The following ABR variants were observed in gnomAD, a reference collection of about 807,000 sequenced individuals.
ABR encodes active breakpoint cluster region-related protein.
In ABR, 35 loss-of-function variants were observed where a neutral mutation model predicts 107.2. That is an observed-to-expected ratio of 0.33 (90% CI 0.25 to 0.43). ABR has a LOEUF of 0.43. Among genes scored for constraint, ABR ranks in the 20% least tolerant of loss-of-function variants. The probability of loss-of-function intolerance (pLI) is 1.00; values close to 1 mark genes in which losing one functional copy is unlikely to be tolerated. For missense variants in ABR, 815 were observed against 1,115.2 expected (o/e 0.73, Z 3.83); for synonymous variants, 498 against 462.0 (o/e 1.08, Z -1.00).
At position 1,179,711 on chromosome 17, in the gene ABR, T is replaced by C. The variant is rs1293170978; in HGVS notation, c.17A>G (p.His6Arg). Residue 6 changes from histidine to arginine, a missense_variant, in exon 1 of 23, where the codon CAC (histidine) becomes CGC (arginine). Physicochemically the swap from His to Arg is conservative, Grantham distance 29. Coordinates refer to ENST00000302538, the MANE Select transcript of ABR (RefSeq NM_021962.5). This position sits in a 1 kb window ranked among gnomAD's most constrained non-coding sequence, Gnocchi z 4.9. MEPLS[H>R]RGLPRLSWID... ...CCAGGACAGGCGCGGCAGGCCCCGGTGGCTGAGCGGCTCCATCCCGCGGCG... is the reference window on the plus strand; with the variant it reads ...CCAGGACAGGCGCGGCAGGCCCCGGCGGCTGAGCGGCTCCATCCCGCGGCG... 1 of 1,498,492 alleles carries C rather than the reference T, an allele frequency of 6.7e-7. No individual in the cohort carries two copies. The highest frequency in any genetic ancestry group is 9.0e-7 in the Non-Finnish European group (1 of 1,113,310). 92.8% of individuals were successfully genotyped at this position (1,498,492 alleles called of 1,614,324 possible). A position where few individuals can be genotyped will look rare whatever the true frequency, so the allele number is the denominator to read the frequency against.
intron 16 of ABR, 166 bp from the exon 17 acceptor site, chr17:1,013,330 T>C: frequency 1.4e-6 from 1 of 710,296 alleles, no homozygotes; most frequent in African/African-American, 1.8e-5. Flanking sequence ...GGGGGGACCC[T>C]AGCCCCCAGG....
In ABR at chr17:1,078,635, C is replaced by T. The variant is rs1175120561; in HGVS notation, c.700+695G>A. ...TTGCAAGCGGCCCTGCTCTGAGCAG[C>T]CCCCAGGTTTCAACTCTAGGCTGGA... On this transcript the variant is annotated intron_variant, in intron 6 of 22. Coordinates refer to ENST00000302538, the MANE Select transcript of ABR (RefSeq NM_021962.5). The surrounding 1 kb of genome is among the most constrained non-coding windows in gnomAD (Gnocchi z 7.5). 2.0e-5 allele frequency among the ~76,000 whole-genome samples: 3 copies of T among 152,186 alleles called. No homozygotes were observed. Among genetic ancestry groups the T allele is most frequent in the African/African-American group, 7.2e-5 (3 of 41,452 alleles).
rs536626210 is a variant in ABR, at chr17:1,148,489, T to C, written c.62-23122A>G. On this transcript the variant is annotated intron_variant, in intron 1 of 22. Coordinates refer to ENST00000302538, the MANE Select transcript of ABR (RefSeq NM_021962.5). This position sits in a 1 kb window ranked among gnomAD's most constrained non-coding sequence, Gnocchi z 4.9. ...CAGGGGTCCCCAGCCCCCCCGGGCA[T>C]GGACCGGCACCAGTCCGTGGCCTGT... 1.3e-3 allele frequency among the ~76,000 whole-genome samples: 205 copies of C among 152,308 alleles called. No individual in the cohort carries two copies. The highest frequency in any genetic ancestry group is 4.7e-3 in the African/African-American group (197 of 41,566).
intron 1 of ABR, among the ~76,000 whole-genome samples, chr17:1,162,702 A>ACCC (rs2041352051): frequency 6.7e-6 from 1 of 150,340 alleles, no homozygotes; most frequent in Non-Finnish European, 1.5e-5. Context: ...TAGGCCAAGC[A>ACCC]CAGTGGCTCA....
rs545920158 is a variant in ABR at position 1,109,156 on chromosome 17, G to C, written c.247-8421C>G. 203 of 1,434,010 alleles carry C rather than the reference G, an allele frequency of 1.4e-4. 3 individuals carry two copies. Among genetic ancestry groups the C allele is most frequent in the Admixed American group, 2.5e-4 (11 of 44,844 alleles). 88.8% of individuals were successfully genotyped at this position (1,434,010 alleles called of 1,614,324 possible). A position where few individuals can be genotyped will look rare whatever the true frequency, so the allele number is the denominator to read the frequency against. On this transcript the variant is annotated intron_variant, in intron 2 of 22. Coordinates refer to ENST00000302538, the MANE Select transcript of ABR (RefSeq NM_021962.5). ...GGAGGAGGGAGGAGGCGGGCGGGAG[G>C]GGGGGCAGGTCTACACCCGCGCGCC...
At chr17:1,204,815 G>C (rs898370927) in intron 1 of ABR, among the ~76,000 whole-genome samples, 1 of 150,868 alleles carries the variant, frequency 6.6e-6, no homozygotes, top group Non-Finnish European at 1.5e-5. Context: ...ATTTAGGTTT[G>C]TGTAAAATAT....
chr17:1,057,305 GGTTT>G lies in ABR; in HGVS notation c.1382-207_1382-204del, dbSNP rs1289468205. On this transcript the variant is annotated intron_variant, in intron 12 of 22. Transcript: ENST00000302538. ...CAGAGTAGGAGAATCTAACTGAAGA[GGTTT>G]GTGTGTGTGTGTGTGTGTGTGTGTG... Among the ~76,000 whole-genome samples, 138 of 136,410 alleles carry G rather than the reference GGTTT, an allele frequency of 1.0e-3. 12 individuals are homozygous for G. Among genetic ancestry groups the G allele is most frequent in the South Asian group, 3.2e-3 (13 of 4,074 alleles). The allele number at this position is 136,410 out of a possible 152,430, so 89.5% of individuals were successfully genotyped here. A position where few individuals can be genotyped will look rare whatever the true frequency, so the allele number is the denominator to read the frequency against.
At chr17:1,178,063 G>A (rs908542416) in intron 1 of ABR, 1 of 152,454 alleles carries the variant, frequency 6.6e-6, no homozygotes, top group East Asian at 1.9e-4. Context: ...ACAGCTCCTG[G>A]GGGGAGGAGA....
chr17:1,042,198 G>A (rs935514845), intron 16 of ABR, among the ~76,000 whole-genome samples: 1 of 152,154 alleles, frequency 6.6e-6, no homozygotes, highest in Non-Finnish European at 1.5e-5. Flanking sequence ...AAACAGACAT[G>A]GCACCTACAT....
Position 1,058,833 on chromosome 17 carries a change from C to T in ABR, c.1217G>A (p.Arg406His), listed in dbSNP as rs773829536. Reference protein sequence around the residue: ...ANKGQSRAIERLKKKMFENEF... With the variant: ...ANKGQSRAIEHLKKKMFENEF... ...ATTCTCAAACATCTTCTTCTTCAGG[C>T]GCTCGATGGCCCGGCTCTGGCCTTT... Residue 406 changes from arginine to histidine, a missense_variant, in exon 11 of 23, where the codon CGC becomes CAC. Transcript: ENST00000302538. The T allele has an allele frequency of 6.2e-6, 10 of 1,614,140 alleles. No homozygotes were observed. Among genetic ancestry groups the T allele is most frequent in the Non-Finnish European group, 8.5e-6 (10 of 1,180,024 alleles).
At chr17:1,013,510 G>A (rs1157014605) in intron 16 of ABR, among the ~76,000 whole-genome samples, 2 of 152,140 alleles carry the variant, frequency 1.3e-5, no homozygotes, top group Non-Finnish European at 2.9e-5. Context: ...CCGGGACATG[G>A]GTATTATTAC....
At chr17:1,022,060 T>C (rs2071709755) in intron 16 of ABR, among the ~76,000 whole-genome samples, 1 of 131,566 alleles carries the variant, frequency 7.6e-6, no homozygotes, top group African/African-American at 3.0e-5. Flanking sequence ...TGAGCCAAGA[T>C]AGCACCACTG....
At chr17:1,118,431 G>A (rs879193970) in intron 2 of ABR, among the ~76,000 whole-genome samples, 4 of 37,918 alleles carry the variant, frequency 1.1e-4, no homozygotes, top group Non-Finnish European at 2.1e-4. Flanking sequence ...TCCTCCCAGC[G>A]TTAACCCTGA....
intron 16 of ABR, among the ~76,000 whole-genome samples, chr17:1,039,982 C>T (rs982648955): frequency 2.0e-5 from 3 of 152,192 alleles, no homozygotes; most frequent in Admixed American, 1.3e-4. Flanking sequence ...AGGGAAAGGC[C>T]TGTGTTCCTT....
intron 7 of ABR, 124 bp from the exon 8 acceptor site, chr17:1,072,878 C>T: frequency 7.7e-7 from 1 of 1,294,530 alleles, no homozygotes; most frequent in East Asian, 2.8e-5. Flanking sequence ...CCCGCAAAAT[C>T]TGAACTACAA....
At chr17:1,224,189 C>A (rs534999889) in intron 1 of ABR, among the ~76,000 whole-genome samples, 1 of 152,084 alleles carries the variant, frequency 6.6e-6, no homozygotes, top group Admixed American at 6.6e-5. Flanking sequence ...ACAGCTGATC[C>A]TGGCTCTGCC....
At chr17:1,063,901 T>C (rs12937367) in intron 10 of ABR, among the ~76,000 whole-genome samples, 145 of 141,536 alleles carry the variant, frequency 1.0e-3, no homozygotes, top group Admixed American at 2.3e-3. Context: ...CCAGACACTG[T>C]TGTTATGTGA....
intron 3 of ABR, among the ~76,000 whole-genome samples, chr17:1,098,344 T>C (rs368061117): frequency 1.3e-5 from 2 of 152,178 alleles, no homozygotes; most frequent in East Asian, 3.8e-4. Context: ...CCCAAAGTGC[T>C]GGGATTACAG....
rs1391895625 is a variant in ABR at position 1,150,297 on chromosome 17, TCTC to T, written c.62-24933_62-24931del. ...AGCCAGCGCGATGTCTGCACTCAGA[TCTC>T]CTCTCTCATCTTTTGCCCACAATGG... On this transcript the variant is annotated intron_variant, in intron 1 of 22. Coordinates refer to ENST00000302538, the MANE Select transcript of ABR (RefSeq NM_021962.5). The surrounding 1 kb of genome is among the most constrained non-coding windows in gnomAD (Gnocchi z 4.8). 6.6e-6 allele frequency among the ~76,000 whole-genome samples: 1 copy of T among 152,178 alleles called. No homozygotes were observed. The highest frequency in any genetic ancestry group is 1.5e-5 in the Non-Finnish European group (1 of 68,022).
Sources: gnomAD v4.1 joint callset for allele counts (sites outside exome capture counted in the v4.1 genomes callset) on GRCh38, gnomAD v4.1.1 for gene constraint, Gnocchi (gnomAD v3.1) non-coding constraint, MANE v1.5 for transcripts, NCBI Gene and HGNC (gene_info 2026-07-23, HGNC 2026-07-21) for gene names.